The following DAPK1 variants were observed in gnomAD, a reference collection of about 807,000 sequenced individuals.
DAPK1 encodes death-associated protein kinase 1.
DAPK1 carries 56 observed loss-of-function variants against 144.9 expected under a neutral mutation model. The observed-to-expected ratio is 0.39, with a 90% CI of 0.31 to 0.48. The LOEUF is 0.48. Among genes scored for constraint, DAPK1 ranks in the 20% least tolerant of loss-of-function variants. DAPK1 has a pLI of 0.95. For synonymous variants in DAPK1, 690 were observed against 749.0 expected (o/e 0.92, Z 1.29); for missense variants, 1,454 against 1,875.4 (o/e 0.78, Z 4.15).
intron 2 of DAPK1, among the ~76,000 whole-genome samples, chr9:87,543,248 C>T (rs957830493): frequency 6.6e-6 from 1 of 152,218 alleles, no homozygotes; most frequent in African/African-American, 2.4e-5. Flanking sequence ...GAAAATTGCT[C>T]TTACCACAGT....
In DAPK1 at chr9:87,605,575, A is replaced by T. The variant is rs569929546; in HGVS notation, c.284+400A>T. On this transcript the variant is annotated intron_variant, in intron 3 of 25. Coordinates refer to ENST00000408954, the MANE Select transcript of DAPK1 (RefSeq NM_004938.4). ...CTGCCTTTCTTCCTCTGTTCTCTTT[A>T]TCTCTTCCCCCATCTCTTCCCCCTC... Among the ~76,000 whole-genome samples the T allele has an allele frequency of 4.0e-5, 6 of 150,818 alleles. No homozygotes were observed. The East Asian group carries it at 1.2e-3, about 29-fold the overall frequency.
intron 3 of DAPK1, chr9:87,632,411 G>A (rs943632957): frequency 1.0e-6 from 1 of 984,068 alleles, no homozygotes; most frequent in Non-Finnish European, 1.2e-6. Flanking sequence ...TATACATGTA[G>A]GGATGAAGGA....
intron 2 of DAPK1, among the ~76,000 whole-genome samples, chr9:87,544,481 C>T (rs1282195566): frequency 6.6e-6 from 1 of 152,158 alleles, no homozygotes; most frequent in Non-Finnish European, 1.5e-5. Context: ...TGTGTGTATG[C>T]ATGCATACAT....
Position 87,651,403 on chromosome 9 carries a change from C to T in DAPK1, c.1627-124C>T, listed in dbSNP as rs1263257339. ...AAAGTTTCTTCATTTAAATCCTCCA[C>T]TAGGGCTTTTAGTAGTGATCTTGTT... On this transcript the variant is annotated intron_variant, in intron 16 of 25. Coordinates refer to ENST00000408954, the MANE Select transcript of DAPK1 (RefSeq NM_004938.4). 8 of 917,952 alleles carry T rather than the reference C, an allele frequency of 8.7e-6. No homozygotes were observed. The East Asian group carries it at 1.7e-4, about 19-fold the overall frequency. The allele number at this position is 917,952 out of a possible 1,614,324, so 56.9% of individuals were successfully genotyped here.
chr9:87,520,458 T>A (rs1825254376), intron 2 of DAPK1, among the ~76,000 whole-genome samples: 1 of 152,124 alleles, frequency 6.6e-6, no homozygotes, highest in South Asian at 2.1e-4. Flanking sequence ...GAACTCTTGT[T>A]CTCTGGGTTG....
At chr9:87,502,472 C>T (rs1824439139) in intron 2 of DAPK1, among the ~76,000 whole-genome samples, 1 of 152,156 alleles carries the variant, frequency 6.6e-6, no homozygotes, top group South Asian at 2.1e-4. Flanking sequence ...CCTAGCATCT[C>T]TTATCAGTTG....
At chr9:87,580,565 T>C (rs145333343) in intron 2 of DAPK1, among the ~76,000 whole-genome samples, 34 of 152,358 alleles carry the variant, frequency 2.2e-4, no homozygotes, top group African/African-American at 7.9e-4. Context: ...TTTATCTCTT[T>C]AGCTTTGGAG....
chr9:87,632,595 AG>A lies in DAPK1; in HGVS notation c.285-5347del, dbSNP rs1235371572. 64 of 977,240 alleles carry A rather than the reference AG, an allele frequency of 6.5e-5. No individual in the cohort carries two copies. The African/African-American group carries it at 1.0e-3, about 16-fold the overall frequency. 60.5% of individuals were successfully genotyped at this position (977,240 alleles called of 1,614,324 possible). A position where few individuals can be genotyped will look rare whatever the true frequency, so the allele number is the denominator to read the frequency against. ...ATACATGTAGGGATGAAGGAGGATG[AG>A]TATGTATATAGGAATGAAGGGTGAT... is the stretch of plus-strand genomic sequence containing the variant. On this transcript the variant is annotated intron_variant, in intron 3 of 25. Transcript: ENST00000408954.
At chr9:87,529,130 C>T (rs928774850) in intron 2 of DAPK1, among the ~76,000 whole-genome samples, 14 of 152,294 alleles carry the variant, frequency 9.2e-5, no homozygotes, top group Non-Finnish European at 1.9e-4. Flanking sequence ...AGTCTGACAA[C>T]ATGTAAAACC....
intron 3 of DAPK1, chr9:87,632,638 A>G (rs977701098): frequency 4.8e-5 from 47 of 982,926 alleles, no homozygotes; most frequent in Non-Finnish European, 1.2e-6. Flanking sequence ...ATATGTAGGG[A>G]TGAAGGAGGA....
chr9:87,620,958 T>C (rs1488372288), intron 3 of DAPK1, among the ~76,000 whole-genome samples: 1 of 152,146 alleles, frequency 6.6e-6, no homozygotes, highest in Non-Finnish European at 1.5e-5. Flanking sequence ...GCTGAAGCCA[T>C]TAAAGCAACC....
chr9:87,625,451 C>T (rs531817620), intron 3 of DAPK1, among the ~76,000 whole-genome samples: 5 of 152,214 alleles, frequency 3.3e-5, no homozygotes, highest in Non-Finnish European at 7.3e-5. Context: ...CATAGCATCA[C>T]TAAATGCAGA....
At chr9:87,573,288 TG>T (rs779627063) in intron 2 of DAPK1, among the ~76,000 whole-genome samples, 1 of 152,214 alleles carries the variant, frequency 6.6e-6, no homozygotes, top group Non-Finnish European at 1.5e-5. Flanking sequence ...TTTCCTACCT[TG>T]TAACCTGAGC....
chr9:87,617,380 A>G (rs1402990567), intron 3 of DAPK1, among the ~76,000 whole-genome samples: 1 of 152,162 alleles, frequency 6.6e-6, no homozygotes, highest in Non-Finnish European at 1.5e-5. Flanking sequence ...GGAAAGCTCA[A>G]CACCACCTAC....
chr9:87,677,675 G>A (rs997479700), intron 19 of DAPK1, among the ~76,000 whole-genome samples: 16 of 152,212 alleles, frequency 1.1e-4, no homozygotes, highest in South Asian at 6.2e-4. Context: ...CAGGAGCTGC[G>A]TTCAGGGAAT....
chr9:87,633,167 G>T (rs1231690874), intron 3 of DAPK1: 1 of 981,176 alleles, frequency 1.0e-6, no homozygotes, highest in Non-Finnish European at 1.2e-6. Context: ...GAGTATATAT[G>T]TAGGGATGAA....
chr9:87,649,883 T>C (rs951670471), intron 15 of DAPK1, 38 bp from the exon 16 acceptor site: 6 of 1,603,028 alleles, frequency 3.7e-6, no homozygotes, highest in Non-Finnish European at 5.1e-6. Context: ...TTCTCATTAT[T>C]GTGTTCTCCT....
chr9:87,498,416 C>G (rs1395745070), intron 1 of DAPK1: 3 of 319,238 alleles, frequency 9.4e-6, no homozygotes, highest in Non-Finnish European at 1.7e-5. Flanking sequence ...GGCGGCCGCA[C>G]GCCGGGTCGG....
intron 3 of DAPK1, among the ~76,000 whole-genome samples, chr9:87,620,435 C>T (rs1458547605): frequency 6.6e-6 from 1 of 152,198 alleles, no homozygotes; most frequent in African/African-American, 2.4e-5. Flanking sequence ...GGCTAAAGAA[C>T]AGGCAGCACA....
Sources: allele counts gnomAD v4.1 joint callset (sites outside exome capture counted in the v4.1 genomes callset), GRCh38; gene constraint gnomAD v4.1.1; transcripts MANE v1.5; gene names NCBI Gene and HGNC (gene_info 2026-07-23, HGNC 2026-07-21).